Variants in INO80D observed in about 807,000 individuals in gnomAD.
INO80D encodes the protein INO80 complex subunit D.
Under a neutral mutation model 87.6 loss-of-function variants are expected in INO80D, and 21 were observed. The ratio of observed to expected loss-of-function variants is 0.24; its 90% CI spans 0.17 to 0.35. The LOEUF (loss-of-function observed/expected upper bound fraction) is 0.35. Among genes scored for constraint, INO80D ranks in the 10% least tolerant of loss-of-function variants. The probability of loss-of-function intolerance (pLI) is 1.00; values close to 1 mark genes in which losing one functional copy is unlikely to be tolerated. For synonymous variants in INO80D, 440 were observed against 491.0 expected (o/e 0.90, Z 1.37); for missense variants, 982 against 1,280.7 (o/e 0.77, Z 3.56).
At chr2:206,012,000 T>C (rs1051070291) in intron 8 of INO80D, among the ~76,000 whole-genome samples, 3 of 152,106 alleles carry the variant, frequency 2.0e-5, no homozygotes, top group African/African-American at 7.2e-5. Flanking sequence ...GAGTGAGCAA[T>C]GCGGAAACTT....
chr2:206,061,872 G>T (rs1399901234), intron 3 of INO80D, among the ~76,000 whole-genome samples: 1 of 152,144 alleles, frequency 6.6e-6, no homozygotes, highest in Admixed American at 6.5e-5. Flanking sequence ...AGAAGTGAAA[G>T]GTTCAAATTT....
intron 5 of INO80D, among the ~76,000 whole-genome samples, chr2:206,038,940 T>G (rs1433949380): frequency 6.6e-6 from 1 of 152,128 alleles, no homozygotes; most frequent in Non-Finnish European, 1.5e-5. Context: ...AATTTGAGTT[T>G]CCAGGGTAAG....
chr2:206,033,514 G>A (rs374919872), intron 5 of INO80D, among the ~76,000 whole-genome samples: 3 of 152,216 alleles, frequency 2.0e-5, no homozygotes, highest in Admixed American at 1.3e-4. Flanking sequence ...AATCAAGATG[G>A]AAAATTAAAA....
intron 1 of INO80D, among the ~76,000 whole-genome samples, chr2:206,073,342 T>A (rs180959455): frequency 6.6e-6 from 1 of 152,292 alleles, no homozygotes; most frequent in African/African-American, 2.4e-5. Flanking sequence ...GCTGGCGTTT[T>A]TTACCCTGAT....
rs1690421303 is a variant in INO80D, at chr2:206,085,438, G to A, written c.-124+463C>T. 1 of 151,788 alleles carries A rather than the reference G, an allele frequency of 6.6e-6. No individual in the cohort carries two copies. Among genetic ancestry groups the A allele is most frequent in the South Asian group, 2.1e-4 (1 of 4,830 alleles). The allele number at this position is 151,788 out of a possible 1,614,324, so 9.4% of individuals were successfully genotyped here. On this transcript the variant is annotated intron_variant, in intron 1 of 10. Coordinates refer to ENST00000403263, the MANE Select transcript of INO80D (RefSeq NM_017759.5). The surrounding 1 kb of genome is among the most constrained non-coding windows in gnomAD (Gnocchi z 4.5). ...GGCAGCCCGGGCCTGCCGCCCCGCG[G>A]GAAAGCCTCCGGGCCGGCGCGGGAT...
chr2:206,082,070 G>A (rs1460904126), intron 1 of INO80D, among the ~76,000 whole-genome samples: 2 of 152,156 alleles, frequency 1.3e-5, no homozygotes, highest in African/African-American at 4.8e-5. Context: ...GCCCAGGCTG[G>A]AATGCAATGG....
At chr2:206,057,451 G>C (rs1038682857) in intron 3 of INO80D, among the ~76,000 whole-genome samples, 1 of 152,152 alleles carries the variant, frequency 6.6e-6, no homozygotes, top group African/African-American at 2.4e-5. Context: ...GAGAGAGAAT[G>C]AAATAAGAAA....
At chr2:206,073,022 G>C (rs539871965) in intron 1 of INO80D, among the ~76,000 whole-genome samples, 3 of 152,110 alleles carry the variant, frequency 2.0e-5, no homozygotes, top group Admixed American at 1.3e-4. Flanking sequence ...ATTTATTGTA[G>C]AGATGGAGTC....
intron 5 of INO80D, among the ~76,000 whole-genome samples, chr2:206,035,977 A>C (rs1055420693): frequency 2.6e-4 from 39 of 152,236 alleles, no homozygotes; most frequent in Admixed American, 2.2e-3. Flanking sequence ...ATATGAAAAA[A>C]TGCTCAACAT....
intron 3 of INO80D, among the ~76,000 whole-genome samples, chr2:206,060,628 T>C (rs983694011): frequency 1.3e-5 from 2 of 150,450 alleles, no homozygotes; most frequent in Non-Finnish European, 3.0e-5. Flanking sequence ...TGGCGCGATC[T>C]CCGCTCACTG....
At chr2:206,059,673 C>G (rs1438957509) in intron 3 of INO80D, among the ~76,000 whole-genome samples, 1 of 152,112 alleles carries the variant, frequency 6.6e-6, no homozygotes, top group East Asian at 1.9e-4. Flanking sequence ...TAAGAAAAAG[C>G]TTTCTTTGTC....
chr2:206,036,004 G>A (rs1688881876), intron 5 of INO80D, among the ~76,000 whole-genome samples: 1 of 152,034 alleles, frequency 6.6e-6, no homozygotes, highest in South Asian at 2.1e-4. Context: ...TTGCAAATTT[G>A]ATTTGCAGGG....
At chr2:206,074,848 A>G (rs1403395538) in intron 1 of INO80D, among the ~76,000 whole-genome samples, 10 of 151,974 alleles carry the variant, frequency 6.6e-5, no homozygotes, top group Non-Finnish European at 1.0e-4. Context: ...CTGAGGCAGG[A>G]GAATCGCTTA....
chr2:206,061,824 T>C (rs1214293915), intron 3 of INO80D, among the ~76,000 whole-genome samples: 1 of 152,224 alleles, frequency 6.6e-6, no homozygotes, highest in Non-Finnish European at 1.5e-5. Context: ...TGCTAATGTA[T>C]AGAAACATGG....
rs897280316 is a variant in INO80D, at chr2:205,995,074, T to TA, written c.*9293dup. 9.9e-5 allele frequency: 15 copies of TA among 152,152 alleles called. No individual in the cohort carries two copies. Among genetic ancestry groups the TA allele is most frequent in the African/African-American group, 3.6e-4 (15 of 41,440 alleles). 9.4% of individuals were successfully genotyped at this position (152,152 alleles called of 1,614,324 possible). On this transcript the variant is annotated 3_prime_UTR_variant, in exon 11 of 11. Coordinates refer to ENST00000403263, the MANE Select transcript of INO80D (RefSeq NM_017759.5). The stretch of plus-strand genomic sequence containing the variant: ...CTTCCCCCAGGCAAAATGATCTCAA[T>TA]AATCATTATTTATTAATGAAAGGAG...
At chr2:206,034,568 A>G (rs1309305157) in intron 5 of INO80D, among the ~76,000 whole-genome samples, 1 of 152,214 alleles carries the variant, frequency 6.6e-6, no homozygotes, top group Non-Finnish European at 1.5e-5. Flanking sequence ...AACTTTCAGC[A>G]AAATTGGCAT....
At chr2:206,006,253 A>G (rs2105795630) in intron 10 of INO80D, among the ~76,000 whole-genome samples, 1 of 152,346 alleles carries the variant, frequency 6.6e-6, no homozygotes. Context: ...TGAAAGAAAC[A>G]TTCTAAAAGT....
rs111836331 is a variant in INO80D, at chr2:206,084,240, TACACACACACACACACACACACAC to T, written c.-124+1637_-124+1660del. Among the ~76,000 whole-genome samples, 4 of 135,124 alleles carry T rather than the reference TACACACACACACACACACACACAC, an allele frequency of 3.0e-5. No homozygotes were observed. The South Asian group carries it at 9.3e-4, about 32-fold the overall frequency. The allele number at this position is 135,124 out of a possible 152,430, so 88.6% of individuals were successfully genotyped here. A position where few individuals can be genotyped will look rare whatever the true frequency, so the allele number is the denominator to read the frequency against. On this transcript the variant is annotated intron_variant, in intron 1 of 10. Transcript: ENST00000403263. ...TTTTTTTTCGTTTAAATGTTATACA[TACACACACACACACACACACACAC>T]ACACACACACCCCAAAACCAAAGTA...
At chr2:206,056,134 T>G (rs1361777581) in intron 4 of INO80D, 64 bp downstream of exon 4, 12 of 1,470,048 alleles carry the variant, frequency 8.2e-6, no homozygotes, top group South Asian at 4.1e-5. Context: ...AAAGGGAAGC[T>G]CCACACAACC....
Sources: allele counts gnomAD v4.1 joint callset (sites outside exome capture counted in the v4.1 genomes callset), GRCh38; gene constraint gnomAD v4.1.1; non-coding constraint Gnocchi (gnomAD v3.1); transcripts MANE v1.5; gene names NCBI Gene and HGNC (gene_info 2026-07-23, HGNC 2026-07-21).